Variants in FAF1 observed in about 807,000 individuals in gnomAD.
The protein encoded by FAF1 is Fas associated factor 1, also known as FAS-associated factor 1.
FAF1 carries 25 observed loss-of-function variants against 92.5 expected under a neutral mutation model. The ratio of observed to expected loss-of-function variants is 0.27; its 90% CI spans 0.20 to 0.38. The LOEUF is 0.38. Among genes scored for constraint, FAF1 ranks in the 10% least tolerant of loss-of-function variants. The pLI is 1.00. For missense variants in FAF1, 636 were observed against 793.3 expected, an observed-to-expected ratio of 0.80 and a Z score of 2.38; for synonymous variants, 234 against 273.2, an observed-to-expected ratio of 0.86 and a Z score of 1.42.
intron 4 of FAF1, among the ~76,000 whole-genome samples, chr1:50,750,622 CTTTT>C (rs200229291): frequency 2.2e-5 from 3 of 133,764 alleles, no homozygotes; most frequent in African/African-American, 8.3e-5. Context: ...TTTTTCTTTT[CTTTT>C]TTTTTTTTTT....
intron 1 of FAF1, among the ~76,000 whole-genome samples, chr1:50,868,573 G>A (rs980607361): frequency 6.6e-6 from 1 of 152,030 alleles, no homozygotes; most frequent in African/African-American, 2.4e-5. Flanking sequence ...CACTGCTGTA[G>A]CTACATCTCA....
chr1:50,838,989 T>A (rs1570033232), intron 2 of FAF1, among the ~76,000 whole-genome samples: 1 of 151,990 alleles, frequency 6.6e-6, no homozygotes, highest in East Asian at 1.9e-4. Flanking sequence ...AGGGGGAAAA[T>A]ATCCAACTTA....
chr1:50,914,175 G>A (rs1644905171), intron 1 of FAF1, among the ~76,000 whole-genome samples: 1 of 152,066 alleles, frequency 6.6e-6, no homozygotes, highest in African/African-American at 2.4e-5. Context: ...TATTTTTTCA[G>A]CCACATTTCA....
At chr1:50,785,452 TA>T (rs1174747813) in intron 4 of FAF1, among the ~76,000 whole-genome samples, 3 of 151,882 alleles carry the variant, frequency 2.0e-5, no homozygotes, top group Non-Finnish European at 4.4e-5. Context: ...ATAACCCATT[TA>T]AAAAAATGGA....
chr1:50,559,204 T>C (rs1052821028), intron 13 of FAF1, among the ~76,000 whole-genome samples: 1 of 148,510 alleles, frequency 6.7e-6, no homozygotes, highest in Non-Finnish European at 1.5e-5. Context: ...TGAGCCAAGA[T>C]CACACCAATG....
At chr1:50,888,209 T>A (rs529235078) in intron 1 of FAF1, among the ~76,000 whole-genome samples, 1 of 152,224 alleles carries the variant, frequency 6.6e-6, no homozygotes, top group Non-Finnish European at 1.5e-5. Context: ...ATGCTTGTGA[T>A]TTTTGCACAT....
At chr1:50,746,086 T>C (rs1398866695) in intron 4 of FAF1, among the ~76,000 whole-genome samples, 1 of 151,488 alleles carries the variant, frequency 6.6e-6, no homozygotes, top group Admixed American at 6.6e-5. Context: ...CTGGTGGCAT[T>C]GTGCCCCTGC....
chr1:50,687,949 C>T (rs1656744322), intron 7 of FAF1, among the ~76,000 whole-genome samples: 1 of 151,610 alleles, frequency 6.6e-6, no homozygotes, highest in Non-Finnish European at 1.5e-5. Flanking sequence ...TCTTGGCTAA[C>T]ACAGTGAAAC....
intron 18 of FAF1, among the ~76,000 whole-genome samples, chr1:50,472,778 T>C (rs1646592724): frequency 6.6e-6 from 1 of 152,204 alleles, no homozygotes; most frequent in South Asian, 2.1e-4. Context: ...TAACAGTCTT[T>C]AGTTTGGCTG....
At chr1:50,500,378 G>A (rs1029656932) in intron 15 of FAF1, among the ~76,000 whole-genome samples, 5 of 152,030 alleles carry the variant, frequency 3.3e-5, no homozygotes, top group Non-Finnish European at 4.4e-5. Flanking sequence ...CAACACATAC[G>A]TTTGACAAAG....
intron 1 of FAF1, among the ~76,000 whole-genome samples, chr1:50,894,332 TC>T (rs773657692): frequency 1.8e-5 from 2 of 114,086 alleles, no homozygotes; most frequent in Non-Finnish European, 3.7e-5. Context: ...AAAAAAAAAC[TC>T]CAAGGGCTCT....
intron 4 of FAF1, among the ~76,000 whole-genome samples, chr1:50,762,696 G>C (rs1415816955): frequency 2.6e-5 from 4 of 152,136 alleles, no homozygotes; most frequent in African/African-American, 7.2e-5. Flanking sequence ...ATTCCAGATG[G>C]ATTAAAGACT....
At chr1:50,873,141 T>A (rs1420272150) in intron 1 of FAF1, among the ~76,000 whole-genome samples, 8 of 152,196 alleles carry the variant, frequency 5.3e-5, no homozygotes, top group East Asian at 1.9e-4. Context: ...GCATTTTTTT[T>A]AACAATAAAG....
chr1:50,721,153 G>A (rs546817549), intron 6 of FAF1, among the ~76,000 whole-genome samples: 67 of 151,984 alleles, frequency 4.4e-4, no homozygotes, highest in Non-Finnish European at 7.4e-4. Flanking sequence ...AAGTTGTTTC[G>A]TAAAGCACTT....
chr1:50,925,174 T>A (rs1213420024), intron 1 of FAF1, among the ~76,000 whole-genome samples: 1 of 152,156 alleles, frequency 6.6e-6, no homozygotes, highest in African/African-American at 2.4e-5. Context: ...TGCAGAGGAA[T>A]GAAACTAGAC....
chr1:50,518,696 T>C (rs891134754), intron 15 of FAF1, among the ~76,000 whole-genome samples: 1 of 152,134 alleles, frequency 6.6e-6, no homozygotes, highest in Admixed American at 6.5e-5. Flanking sequence ...CACCTCGGCC[T>C]CCCACAGTGC....
chr1:50,596,302 T>A, intron 8 of FAF1, 86 bp from the exon 9 acceptor site: 1 of 928,874 alleles, frequency 1.1e-6, no homozygotes, highest in South Asian at 1.5e-5. Context: ...TTTCTATTAT[T>A]GCTGAAGCTA....
intron 7 of FAF1, among the ~76,000 whole-genome samples, chr1:50,691,074 T>C (rs1569774524): frequency 1.3e-5 from 2 of 152,248 alleles, no homozygotes; most frequent in Non-Finnish European, 2.9e-5. Flanking sequence ...TTCAATTCTC[T>C]TGTTACATAT....
chr1:50,764,274 C>T (rs978705669), intron 4 of FAF1, among the ~76,000 whole-genome samples: 2 of 152,046 alleles, frequency 1.3e-5, no homozygotes, highest in African/African-American at 4.8e-5. Flanking sequence ...ACCCTGTGTG[C>T]GACAAAGTCT....
Sources: allele counts gnomAD v4.1 joint callset (sites outside exome capture counted in the v4.1 genomes callset), GRCh38; gene constraint gnomAD v4.1.1; transcripts MANE v1.5; gene names NCBI Gene and HGNC (gene_info 2026-07-23, HGNC 2026-07-21).